SIDT1: variants seen among roughly 807,000 people sequenced by gnomAD.
SIDT1 encodes SID1 transmembrane family member 1, also known as SID1 transmembrane family, member 1.
In SIDT1, 101 loss-of-function variants were observed where a neutral mutation model predicts 107.5. The ratio of observed to expected loss-of-function variants is 0.94; its 90% CI spans 0.80 to 1.11. The LOEUF is 1.11. Among genes scored for constraint, SIDT1 ranks in the 50% least tolerant of loss-of-function variants. SIDT1 has a pLI of 0.00. For missense variants in SIDT1, 1,076 were observed against 1,058.2 expected, an observed-to-expected ratio of 1.02 and a Z score of -0.23; for synonymous variants, 395 against 398.2, an observed-to-expected ratio of 0.99 and a Z score of 0.10.
At chr3:113,576,067 GA>G (rs1354209376) in intron 3 of SIDT1, among the ~76,000 whole-genome samples, 1 of 152,186 alleles carries the variant, frequency 6.6e-6, no homozygotes, top group Non-Finnish European at 1.5e-5. Context: ...AAACTATAGA[GA>G]AGACCACATT....
chr3:113,571,486 G>GCACACACACACA (rs60256247), intron 3 of SIDT1, among the ~76,000 whole-genome samples: 3,552 of 148,922 alleles, frequency 0.024, 120 homozygotes, highest in African/African-American at 0.072. Context: ...CCTATCCTCT[G>GCACACACACACA]CACACACACA....
Position 113,623,623 on chromosome 3 carries a change from C to A in SIDT1, c.2197C>A (p.Leu733Ile). 1 of 1,612,950 alleles carries A rather than the reference C, an allele frequency of 6.2e-7. No individual in the cohort carries two copies. The highest frequency in any genetic ancestry group is 1.7e-5 in the Admixed American group (1 of 60,034). Reference sequence around the variant, plus strand: ...GCCGCATCTGCTTCTCCTCCCACAGCTCCGCAGCTCTGAAAAGGTCCTCCC... The same window carrying A: ...GCCGCATCTGCTTCTCCTCCCACAGATCCGCAGCTCTGAAAAGGTCCTCCC... ...LYLAFYIIMK[L>I]RSSEKVLPVP... is the part of the protein sequence containing the mutation. Residue 733 changes from leucine (L) to isoleucine (I), a missense_variant and splice_region_variant, in exon 23 of 25, where the codon CTC becomes ATC. Physicochemically the swap from Leu to Ile is conservative, Grantham distance 5 (BLOSUM62 2). Transcript: ENST00000264852.
intron 1 of SIDT1, among the ~76,000 whole-genome samples, chr3:113,563,833 C>G (rs1483258235): frequency 2.6e-5 from 4 of 152,040 alleles, no homozygotes; most frequent in Non-Finnish European, 5.9e-5. Flanking sequence ...TATCAAGTGG[C>G]ATAATGGTGT....
chr3:113,608,397 A>T, intron 16 of SIDT1, 22 bp from the exon 17 acceptor site: 1 of 1,579,180 alleles, frequency 6.3e-7, no homozygotes, highest in Non-Finnish European at 8.7e-7. Flanking sequence ...GTATCTATTG[A>T]CCACCCTTTC....
chr3:113,635,798 C>T, the SIDT1 span, among the ~76,000 whole-genome samples: 2 of 150,028 alleles, frequency 1.3e-5, no homozygotes, highest in Non-Finnish European at 3.0e-5. Flanking sequence ...ACCTAGGAGA[C>T]GGAGGAGGCA....
intron 19 of SIDT1, among the ~76,000 whole-genome samples, chr3:113,615,537 C>T (rs1017709118): frequency 1.3e-5 from 2 of 152,356 alleles, no homozygotes; most frequent in African/African-American, 4.8e-5. Context: ...ACTTTCCTGT[C>T]TTTTTCTCCC....
intron 9 of SIDT1, among the ~76,000 whole-genome samples, chr3:113,585,933 C>T (rs1396645105): frequency 6.6e-6 from 1 of 152,254 alleles, no homozygotes; most frequent in Non-Finnish European, 1.5e-5. Context: ...TTCTTTGTGG[C>T]ATTCTCTGTG....
rs577697717 is a variant in SIDT1, at chr3:113,556,459, C to T, written c.223-9961C>T. On this transcript the variant is annotated intron_variant, in intron 1 of 24. Transcript: ENST00000264852. Reference sequence around the variant, plus strand: ...CTCAGGGGCAGCTGTTTTTATACAACGGTCACTGGACTCTCCTAGAAGTCC... The same window carrying T: ...CTCAGGGGCAGCTGTTTTTATACAATGGTCACTGGACTCTCCTAGAAGTCC... 9.3e-5 allele frequency among the ~76,000 whole-genome samples: 14 copies of T among 151,208 alleles called. 1 individual carries two copies. Among genetic ancestry groups the T allele is most frequent in the East Asian group, 7.7e-4 (4 of 5,184 alleles).
At position 113,540,992 on chromosome 3, in the gene SIDT1, C is replaced by T. The variant is rs114522890; in HGVS notation, c.222+7749C>T. ...CCTTAAAGAAAGTAATGAACTTATTCTATCAGATATTCTCTCCATTCATCC... is the reference window on the plus strand; with the variant it reads ...CCTTAAAGAAAGTAATGAACTTATTTTATCAGATATTCTCTCCATTCATCC... On this transcript the variant is annotated intron_variant, in intron 1 of 24. Coordinates refer to ENST00000264852, the MANE Select transcript of SIDT1 (RefSeq NM_017699.3). 7.1e-4 allele frequency among the ~76,000 whole-genome samples: 108 copies of T among 152,182 alleles called. 1 individual carries two copies. Among genetic ancestry groups the T allele is most frequent in the African/African-American group, 2.6e-3 (107 of 41,516 alleles).
rs771684117 is a variant in SIDT1, at chr3:113,601,635, G to A, written c.1093G>A (p.Glu365Lys). Residue 365 changes from glutamate to lysine, a missense_variant, in exon 11 of 25, where the codon GAA becomes AAA. Coordinates refer to ENST00000264852, the MANE Select transcript of SIDT1 (RefSeq NM_017699.3). Reference sequence around the variant, plus strand: ...TCATCCCATTGCTGCCAGCACACCCGAAGGGAGCAATTATGGGACAATAGG... The same window carrying A: ...TCATCCCATTGCTGCCAGCACACCCAAAGGGAGCAATTATGGGACAATAGG... ...ASHPIAASTPEGSNYGTIDES... is the reference protein window; with the variant it reads ...ASHPIAASTPKGSNYGTIDES... The A allele has an allele frequency of 2.2e-5, 35 of 1,613,772 alleles. 2 individuals carry two copies. Among genetic ancestry groups the A allele is most frequent in the South Asian group, 2.1e-4 (19 of 91,064 alleles).
chr3:113,607,641 C>T (rs1014277416), intron 15 of SIDT1, among the ~76,000 whole-genome samples: 21 of 152,224 alleles, frequency 1.4e-4, no homozygotes, highest in African/African-American at 4.3e-4. Flanking sequence ...GCTGAACCAG[C>T]GTTCGTTTCC....
chr3:113,608,560 T>G, intron 17 of SIDT1, 24 bp downstream of exon 17: 1 of 1,489,030 alleles, frequency 6.7e-7, no homozygotes, highest in Non-Finnish European at 9.4e-7. Flanking sequence ...ATATCTACTA[T>G]ACAGATTTGA....
intron 24 of SIDT1, among the ~76,000 whole-genome samples, chr3:113,627,012 G>A (rs1041414056): frequency 2.6e-5 from 4 of 152,118 alleles, no homozygotes; most frequent in South Asian, 2.1e-4. Context: ...CAGTCCTTAC[G>A]TCTTTTACTT....
chr3:113,595,474 G>A lies in SIDT1; in HGVS notation c.1045+2426G>A, dbSNP rs537687388. Among the ~76,000 whole-genome samples the A allele has an allele frequency of 3.3e-5, 5 of 152,130 alleles. No homozygotes were observed. The South Asian group carries it at 8.3e-4, about 25-fold the overall frequency. On this transcript the variant is annotated intron_variant, in intron 10 of 24. Transcript: ENST00000264852. ...GTGCACCTGTGCTCCAGCTACTTCGGAGGCTGCTATGGGAGGATCGCTTGA... is the reference window on the plus strand; with the variant it reads ...GTGCACCTGTGCTCCAGCTACTTCGAAGGCTGCTATGGGAGGATCGCTTGA...
chr3:113,600,904 G>A (rs1024462417), intron 10 of SIDT1, among the ~76,000 whole-genome samples: 2 of 152,148 alleles, frequency 1.3e-5, no homozygotes, highest in African/African-American at 4.8e-5. Context: ...ACAGTGCCAG[G>A]GAGCATGCAT....
At chr3:113,551,521 C>T (rs1045230443) in intron 1 of SIDT1, among the ~76,000 whole-genome samples, 4 of 152,206 alleles carry the variant, frequency 2.6e-5, no homozygotes, top group Non-Finnish European at 5.9e-5. Flanking sequence ...ATCAGCTATG[C>T]TTATCAACAA....
chr3:113,616,243 C>T, intron 20 of SIDT1, 67 bp downstream of exon 20: 2 of 1,267,242 alleles, frequency 1.6e-6, no homozygotes, highest in South Asian at 1.2e-5. Context: ...GAGGAACAGG[C>T]TTGGGGCAGT....
intron 17 of SIDT1, among the ~76,000 whole-genome samples, chr3:113,608,996 T>C (rs1394159750): frequency 6.6e-6 from 1 of 152,036 alleles, no homozygotes; most frequent in Non-Finnish European, 1.5e-5. Context: ...AAGTTGTTTT[T>C]TGAGAAAGCC....
chr3:113,605,829 C>A lies in SIDT1; in HGVS notation c.1404+853C>A, dbSNP rs140753490. On this transcript the variant is annotated intron_variant, in intron 14 of 24. Transcript: ENST00000264852. ...GACCAGCCTGGGCAACATGGCGAAA[C>A]CCTGACTCTACCAAAAATACAAAAA... Among the ~76,000 whole-genome samples the A allele has an allele frequency of 1.3e-3, 192 of 152,006 alleles. 1 individual carries two copies. The highest frequency in any genetic ancestry group is 2.3e-3 in the South Asian group (11 of 4,818).
Sources: gnomAD v4.1 joint callset for allele counts (sites outside exome capture counted in the v4.1 genomes callset) on GRCh38, gnomAD v4.1.1 for gene constraint, MANE v1.5 for transcripts, NCBI Gene and HGNC (gene_info 2026-07-23, HGNC 2026-07-21) for gene names.